TMEM121B: variants seen among roughly 807,000 people sequenced by gnomAD.
TMEM121B encodes the protein cat eye syndrome chromosome region, candidate 6.
TMEM121B carries 14 observed loss-of-function variants against 25.1 expected under a neutral mutation model. The observed-to-expected ratio is 0.56, with a 90% confidence interval of 0.37 to 0.87. The LOEUF (loss-of-function observed/expected upper bound fraction) is 0.87, where lower values mean the gene tolerates loss of function less well. Ranked by LOEUF, TMEM121B falls within the 40% of genes least tolerant of loss-of-function variation. The pLI is 0.00. For synonymous variants in TMEM121B, 458 were observed against 420.9 expected (o/e 1.09, Z -1.08); for missense variants, 850 against 854.6 (o/e 0.99, Z 0.07).
rs377205617 is a variant in TMEM121B, at chr22:17,120,084, G to C, written c.1044C>G (p.Gly348=). Residue 348 remains glycine, a synonymous_variant, in exon 1 of 1, where the codon GGC becomes GGG. Coordinates refer to ENST00000331437, the MANE Select transcript of TMEM121B (RefSeq NM_031890.4). Reference sequence around the variant, plus strand: ...CCATGGTGAGACGGAAGCCCGTGGTGCCGAAGGGCGCGCGTAGCTCGATGA... The same window carrying C: ...CCATGGTGAGACGGAAGCCCGTGGTCCCGAAGGGCGCGCGTAGCTCGATGA... ...LDLIELRAPF[G]TTGFRLTMAL... is the part of the protein sequence containing the mutation. 15 of 1,611,294 alleles carry C rather than the reference G, an allele frequency of 9.3e-6. No homozygotes were observed. The African/African-American group carries it at 2.0e-4, about 22-fold the overall frequency.
Position 17,116,353 on chromosome 22 carries a change from A to G in TMEM121B, c.*3038T>C, listed in dbSNP as rs574383047. On this transcript the variant is annotated 3_prime_UTR_variant, in exon 1 of 1. Coordinates refer to ENST00000331437, the MANE Select transcript of TMEM121B (RefSeq NM_031890.4). ...AGAGTCTGGTTTTATTTTTAAAAAG[A>G]GAAGGAAAAAAGTGATAAATGCTAG... 1 of 152,776 alleles carries G rather than the reference A, an allele frequency of 6.5e-6. No individual in the cohort carries two copies. The highest frequency in any genetic ancestry group is 1.9e-4 in the East Asian group (1 of 5,182). The allele number at this position is 152,776 out of a possible 1,614,324, so 9.5% of individuals were successfully genotyped here.
rs2061483145 is a variant in TMEM121B at position 17,119,226 on chromosome 22, C to T, written c.*165G>A. ...CCCTCACCGTTAACTGCTGGTCTCC[C>T]TCCAAGCCGTCCTCACCCCAGGGTG... On this transcript the variant is annotated 3_prime_UTR_variant, in exon 1 of 1. Coordinates refer to ENST00000331437, the MANE Select transcript of TMEM121B (RefSeq NM_031890.4). The T allele has an allele frequency of 1.9e-6, 2 of 1,028,778 alleles. No homozygotes were observed. Among genetic ancestry groups the T allele is most frequent in the Non-Finnish European group, 2.8e-6 (2 of 721,766 alleles). 63.7% of individuals were successfully genotyped at this position (1,028,778 alleles called of 1,614,324 possible). A position where few individuals can be genotyped will look rare whatever the true frequency, so the allele number is the denominator to read the frequency against.
Position 17,116,878 on chromosome 22 carries a change from A to G in TMEM121B, c.*2513T>C, listed in dbSNP as rs7289082. 42,397 of 152,320 alleles carry G rather than the reference A, an allele frequency of 0.28. 6,525 individuals are homozygous for G. The highest frequency in any genetic ancestry group is 0.4 in the African/African-American group (16,688 of 41,494). 9.4% of individuals were successfully genotyped at this position (152,320 alleles called of 1,614,324 possible). A position where few individuals can be genotyped will look rare whatever the true frequency, so the allele number is the denominator to read the frequency against. ...ACTGGGGCTGAACTGGGGGCCTGAT[A>G]TCTGCCAGAATTGGCCAAGTTGCCA... is the stretch of plus-strand genomic sequence containing the variant. On this transcript the variant is annotated 3_prime_UTR_variant, in exon 1 of 1. Transcript: ENST00000331437.
Position 17,119,606 on chromosome 22 carries a change from C to A in TMEM121B, c.1522G>T (p.Gly508Cys), listed in dbSNP as rs1406793205. The A allele has an allele frequency of 1.9e-6, 3 of 1,543,874 alleles. No homozygotes were observed. Among genetic ancestry groups the A allele is most frequent in the Middle Eastern group, 1.7e-4 (1 of 5,990 alleles). ...IFMLKNLFFL[G>C]CRGLEALEGC... ...TCCAGGGCCTCCAGGCCCCGGCAGC[C>A]GAGGAAGAAGAGGTTCTTGAGCATG... Residue 508 changes from glycine to cysteine, a missense_variant, in exon 1 of 1, where the codon GGC becomes TGC. Gly to Cys is a radical substitution (Grantham distance 159). Coordinates refer to ENST00000331437, the MANE Select transcript of TMEM121B (RefSeq NM_031890.4).
In TMEM121B at chr22:17,119,786, C is replaced by T. The variant is rs867203839; in HGVS notation, c.1342G>A (p.Ala448Thr). ...CAGGATGCAGCCGCTGCGGCCGCGG[C>T]GTTGAGCTCGTAGAGCCAGAGCACC... ...SPVLWLYELNAAAAAAASWGQ... is the reference protein window; with the variant it reads ...SPVLWLYELNTAAAAAASWGQ... The change falls in exon 1 of 1, where the codon GCC (alanine) becomes ACC (threonine). Residue 448 changes from alanine (A) to threonine (T), a missense_variant. By Grantham distance (58) the Ala-to-Thr change is moderately conservative (BLOSUM62 0). Transcript: ENST00000331437. 5 of 1,579,850 alleles carry T rather than the reference C, an allele frequency of 3.2e-6. No homozygotes were observed. The African/African-American group carries it at 4.0e-5, about 13-fold the overall frequency.
Position 17,121,273 on chromosome 22 carries a change from T to TGCGGACTGGAG in TMEM121B, c.-147_-146insCTCCAGTCCGC. On this transcript the variant is annotated 5_prime_UTR_variant, in exon 1 of 1. Coordinates refer to ENST00000331437, the MANE Select transcript of TMEM121B (RefSeq NM_031890.4). ...GCACCTGGGCCGGGCGGCGGCGAGA[T>TGCGGACTGGAG]CCGGACTGGAGCCACTGGACTGGGC... is the stretch of plus-strand genomic sequence containing the variant. The TGCGGACTGGAG allele has an allele frequency of 1.3e-6, 1 of 759,532 alleles. No homozygotes were observed. Among genetic ancestry groups the TGCGGACTGGAG allele is most frequent in the Non-Finnish European group, 1.8e-6 (1 of 568,710 alleles). The allele number at this position is 759,532 out of a possible 1,614,324, so 47.0% of individuals were successfully genotyped here. A position where few individuals can be genotyped will look rare whatever the true frequency, so the allele number is the denominator to read the frequency against.
chr22:17,117,057 C>T lies in TMEM121B; in HGVS notation c.*2334G>A, dbSNP rs1219365873. On this transcript the variant is annotated 3_prime_UTR_variant, in exon 1 of 1. Coordinates refer to ENST00000331437, the MANE Select transcript of TMEM121B (RefSeq NM_031890.4). ...AATAGAAGGGGGGCAGATCAGGGGG[C>T]CAGCCAGCGGCTGGCCATGGCTCAG... is the stretch of plus-strand genomic sequence containing the variant. 2 of 152,680 alleles carry T rather than the reference C, an allele frequency of 1.3e-5. No individual in the cohort carries two copies. Among genetic ancestry groups the T allele is most frequent in the Non-Finnish European group, 2.9e-5 (2 of 68,138 alleles). The allele number at this position is 152,680 out of a possible 1,614,324, so 9.5% of individuals were successfully genotyped here.
rs1460169567 is a variant in TMEM121B, at chr22:17,120,551, T to C, written c.577A>G (p.Ser193Gly). 4.8e-6 allele frequency: 7 copies of C among 1,472,350 alleles called. No homozygotes were observed. The highest frequency in any genetic ancestry group is 6.3e-6 in the Non-Finnish European group (7 of 1,110,886). 91.2% of individuals were successfully genotyped at this position (1,472,350 alleles called of 1,614,324 possible). ...TGGTAGCCCCAGCGGCACCTGGGAC[T>C]GGGGGCGCAGCCGCGGCGCCGACCT... ...RRGRRRGCAP[S>G]PRCRWGYQAL... is the part of the protein sequence containing the mutation. Residue 193 changes from serine (S) to glycine (G), a missense_variant, in exon 1 of 1, where the codon AGT becomes GGT. Coordinates refer to ENST00000331437, the MANE Select transcript of TMEM121B (RefSeq NM_031890.4).
Position 17,120,812 on chromosome 22 carries a change from C to T in TMEM121B, c.316G>A (p.Ala106Thr), listed in dbSNP as rs2061495830. ...GAGAAGGCGACAGGCGCGGGGCCGG[C>T]GGGGGCGCCCACCTGAGCCGGCGGC... Reference protein sequence around the residue: ...LGPPAQVGAPAGPAPVAFSSS... With the variant: ...LGPPAQVGAPTGPAPVAFSSS... The change falls in exon 1 of 1, where the codon GCC becomes ACC. Residue 106 changes from alanine (A) to threonine (T), a missense_variant. Ala to Thr is a moderately conservative substitution (Grantham distance 58). Transcript: ENST00000331437. 1.6e-6 allele frequency: 2 copies of T among 1,241,214 alleles called. No homozygotes were observed. The highest frequency in any genetic ancestry group is 3.3e-5 in the East Asian group (1 of 30,408). The allele number at this position is 1,241,214 out of a possible 1,614,324, so 76.9% of individuals were successfully genotyped here. A position where few individuals can be genotyped will look rare whatever the true frequency, so the allele number is the denominator to read the frequency against.
At position 17,119,512 on chromosome 22, in the gene TMEM121B, G is replaced by C; in HGVS notation, c.1616C>G (p.Ser539Cys). 1.9e-6 allele frequency: 3 copies of C among 1,576,252 alleles called. No individual in the cohort carries two copies. The highest frequency in any genetic ancestry group is 2.6e-6 in the Non-Finnish European group (3 of 1,161,614). Reference sequence around the variant, plus strand: ...TGGTGGCGGAGGTGGTGGAGGGGCGGAGGGCGGAGCACCGTAGCCCCCTCT... The same window carrying C: ...TGGTGGCGGAGGTGGTGGAGGGGCGCAGGGCGGAGCACCGTAGCCCCCTCT... ...RARGGYGAPP[S>C]APPPPPPPPQ... The change falls in exon 1 of 1, where the codon TCC (serine) becomes TGC (cysteine). Residue 539 changes from serine to cysteine, a missense_variant. Physicochemically the swap from Ser to Cys is moderately radical, Grantham distance 112 (BLOSUM62 -1). Transcript: ENST00000331437.
Position 17,120,225 on chromosome 22 carries a change from G to A in TMEM121B, c.903C>T (p.Gly301=). 7.4e-7 allele frequency: 1 copy of A among 1,347,576 alleles called. No homozygotes were observed. The highest frequency in any genetic ancestry group is 9.5e-7 in the Non-Finnish European group (1 of 1,052,282). 83.5% of individuals were successfully genotyped at this position (1,347,576 alleles called of 1,614,324 possible). Residue 301 remains glycine (G), a synonymous_variant, in exon 1 of 1, where the codon GGC becomes GGT. Transcript: ENST00000331437. ...ARGGAGGAGG[G]LGAAAAAGEF... ...CGCCCGCTGCCGCGGCCGCCCCCAGGCCGCCCCCCGCGCCGCCGGCGCCCC... is the reference window on the plus strand; with the variant it reads ...CGCCCGCTGCCGCGGCCGCCCCCAGACCGCCCCCCGCGCCGCCGGCGCCCC...
In TMEM121B at chr22:17,120,845, G is replaced by A. The variant is rs938685169; in HGVS notation, c.283C>T (p.Leu95Phe). The A allele has an allele frequency of 4.7e-5, 61 of 1,297,854 alleles. No homozygotes were observed. The highest frequency in any genetic ancestry group is 5.7e-5 in the Non-Finnish European group (58 of 1,025,812). The allele number at this position is 1,297,854 out of a possible 1,614,324, so 80.4% of individuals were successfully genotyped here. Residue 95 changes from leucine to phenylalanine, a missense_variant, in exon 1 of 1, where the codon CTC (leucine) becomes TTC (phenylalanine). By Grantham distance (22) the Leu-to-Phe change is conservative. Coordinates refer to ENST00000331437, the MANE Select transcript of TMEM121B (RefSeq NM_031890.4). ...CCCACCTGAGCCGGCGGCCCCAGGAGCGCGGCGTTGGGCACCAGCGGCTTG... is the reference window on the plus strand; with the variant it reads ...CCCACCTGAGCCGGCGGCCCCAGGAACGCGGCGTTGGGCACCAGCGGCTTG... Reference protein sequence around the residue: ...VSKPLVPNAALLGPPAQVGAP... With the variant: ...VSKPLVPNAAFLGPPAQVGAP...
chr22:17,119,729 G>C lies in TMEM121B; in HGVS notation c.1399C>G (p.Arg467Gly). Reference sequence around the variant, plus strand: ...CAGCCGCCCAGCAGGCGCAGAAGGCGGCTGCAGCTGCCAGGCCCGGAGGCC... The same window carrying C: ...CAGCCGCCCAGCAGGCGCAGAAGGCCGCTGCAGCTGCCAGGCCCGGAGGCC... ...GQASGPGSCSRLLRLLGGCLV... is the reference protein window; with the variant it reads ...GQASGPGSCSGLLRLLGGCLV... Residue 467 changes from arginine (R) to glycine (G), a missense_variant, in exon 1 of 1, where the codon CGC (arginine) becomes GGC (glycine). Coordinates refer to ENST00000331437, the MANE Select transcript of TMEM121B (RefSeq NM_031890.4). 6.5e-7 allele frequency: 1 copy of C among 1,543,838 alleles called. No homozygotes were observed. The highest frequency in any genetic ancestry group is 8.7e-7 in the Non-Finnish European group (1 of 1,151,774).
chr22:17,119,375 C>T lies in TMEM121B; in HGVS notation c.*16G>A, dbSNP rs562883725. The T allele has an allele frequency of 6.4e-7, 1 of 1,574,066 alleles. No homozygotes were observed. Among genetic ancestry groups the T allele is most frequent in the Admixed American group, 1.9e-5 (1 of 52,954 alleles). ...GGGACTCTCAACCCAAAAACAAGGACCCGTGCCCTTCACCCTCAATTCTGA... is the reference window on the plus strand; with the variant it reads ...GGGACTCTCAACCCAAAAACAAGGATCCGTGCCCTTCACCCTCAATTCTGA... On this transcript the variant is annotated 3_prime_UTR_variant, in exon 1 of 1. Coordinates refer to ENST00000331437, the MANE Select transcript of TMEM121B (RefSeq NM_031890.4).
Position 17,119,548 on chromosome 22 carries a change from G to A in TMEM121B, c.1580C>T (p.Pro527Leu), listed in dbSNP as rs772238977. ...ACCGTAGCCCCCTCTGGCCCGACTC[G>A]GGGAGGCCCGATTGCCCCGGTCCCA... is the stretch of plus-strand genomic sequence containing the variant. ...GCWDRGNRAS[P>L]SRARGGYGAP... Residue 527 changes from proline to leucine, a missense_variant, in exon 1 of 1, where the codon CCG (proline) becomes CTG (leucine). Physicochemically the swap from Pro to Leu is moderately conservative, Grantham distance 98. Transcript: ENST00000331437. 8.9e-5 allele frequency: 138 copies of A among 1,553,870 alleles called. No homozygotes were observed. The South Asian group carries it at 1.4e-3, about 16-fold the overall frequency.
chr22:17,121,295 G>C lies in TMEM121B; in HGVS notation c.-168C>G, dbSNP rs1216296412. 12 of 579,104 alleles carry C rather than the reference G, an allele frequency of 2.1e-5. No homozygotes were observed. Among genetic ancestry groups the C allele is most frequent in the Non-Finnish European group, 2.8e-5 (11 of 396,696 alleles). 35.9% of individuals were successfully genotyped at this position (579,104 alleles called of 1,614,324 possible). A position where few individuals can be genotyped will look rare whatever the true frequency, so the allele number is the denominator to read the frequency against. On this transcript the variant is annotated 5_prime_UTR_variant, in exon 1 of 1. Coordinates refer to ENST00000331437, the MANE Select transcript of TMEM121B (RefSeq NM_031890.4). ...AGATCCGGACTGGAGCCACTGGACT[G>C]GGCGAGCCGGGCCGGGCGGCAGGGA...
chr22:17,120,725 C>T lies in TMEM121B; in HGVS notation c.403G>A (p.Ala135Thr), dbSNP rs977045235. 1.7e-6 allele frequency: 2 copies of T among 1,201,700 alleles called. No individual in the cohort carries two copies. Among genetic ancestry groups the T allele is most frequent in the East Asian group, 3.5e-5 (1 of 28,806 alleles). 74.4% of individuals were successfully genotyped at this position (1,201,700 alleles called of 1,614,324 possible). The part of the protein sequence containing the change: ...TPTSSCSMTA[A>T]DFGGGAAAGA... ...GCCGCGGCGCCCCCGCCGAAGTCCG[C>T]GGCTGTCATGCTGCAGGAGGAGGTG... The change falls in exon 1 of 1, where the codon GCG (alanine) becomes ACG (threonine). Residue 135 changes from alanine to threonine, a missense_variant. Ala to Thr is a moderately conservative substitution (Grantham distance 58). Transcript: ENST00000331437.
At position 17,120,043 on chromosome 22, in the gene TMEM121B, A is replaced by G; in HGVS notation, c.1085T>C (p.Leu362Pro). 2 of 1,610,302 alleles carry G rather than the reference A, an allele frequency of 1.2e-6. No individual in the cohort carries two copies. The highest frequency in any genetic ancestry group is 1.7e-6 in the Non-Finnish European group (2 of 1,179,670). ...FRLTMALSVP[L>P]LYSLVRAISE... is the part of the protein sequence containing the mutation. The stretch of plus-strand genomic sequence containing the variant: ...GATGGCCCGCACCAAGCTGTAGAGC[A>G]GGGGCACCGACAGCGCCATGGTGAG... Residue 362 changes from leucine (L) to proline (P), a missense_variant, in exon 1 of 1, where the codon CTG becomes CCG. Physicochemically the swap from Leu to Pro is moderately conservative, Grantham distance 98 (BLOSUM62 -3). Coordinates refer to ENST00000331437, the MANE Select transcript of TMEM121B (RefSeq NM_031890.4).
Position 17,116,952 on chromosome 22 carries a change from A to G in TMEM121B, c.*2439T>C, listed in dbSNP as rs1199344765. ...AAGTGGCAGCTCATTGGAACTTATC[A>G]CAGCCTCCCACCAAAAACCTAACAA... On this transcript the variant is annotated 3_prime_UTR_variant, in exon 1 of 1. Coordinates refer to ENST00000331437, the MANE Select transcript of TMEM121B (RefSeq NM_031890.4). The G allele has an allele frequency of 6.6e-6, 1 of 152,318 alleles. No homozygotes were observed. Among genetic ancestry groups the G allele is most frequent in the Non-Finnish European group, 1.5e-5 (1 of 68,058 alleles). 9.4% of individuals were successfully genotyped at this position (152,318 alleles called of 1,614,324 possible).
Sources: gnomAD v4.1 joint callset for allele counts on GRCh38, gnomAD v4.1.1 for gene constraint, MANE v1.5 for transcripts, NCBI Gene and HGNC (gene_info 2026-07-23, HGNC 2026-07-21) for gene names.